RGMA: variants seen among roughly 807,000 people sequenced by gnomAD.
RGMA encodes repulsive guidance molecule A.
RGMA carries 10 observed loss-of-function variants against 23.2 expected under a neutral mutation model. The observed-to-expected ratio is 0.43, with a 90% confidence interval of 0.27 to 0.73. The LOEUF (loss-of-function observed/expected upper bound fraction) is 0.73. RGMA is among the 30% of genes least tolerant of loss of function. The pLI, the probability that RGMA is intolerant of heterozygous loss-of-function variation, is 0.20. For synonymous variants in RGMA, 308 were observed against 279.3 expected (o/e 1.10, Z -1.03); for missense variants, 547 against 630.5 (o/e 0.87, Z 1.42).
At chr15:93,053,756 C>T (rs1212193003) in intron 2 of RGMA, among the ~76,000 whole-genome samples, 1 of 152,206 alleles carries the variant, frequency 6.6e-6, no homozygotes, top group Non-Finnish European at 1.5e-5. Context: ...GAGCACAAGT[C>T]ACCTTCCCAG....
At chr15:93,047,494 G>A (rs912655403) in intron 3 of RGMA, among the ~76,000 whole-genome samples, 2 of 152,250 alleles carry the variant, frequency 1.3e-5, no homozygotes, top group African/African-American at 4.8e-5. Context: ...ACCTTTATCT[G>A]CTGCACTACC....
chr15:93,044,961 G>A lies in RGMA; in HGVS notation c.*37C>T, dbSNP rs1364300908. ...CCCAGCCCACACATGGGGAAGCCGA[G>A]AGGACGGAGCCCGCGCCTCCCTCCA... is the stretch of plus-strand genomic sequence containing the variant. On this transcript the variant is annotated 3_prime_UTR_variant, in exon 4 of 4. Coordinates refer to ENST00000329082, the MANE Select transcript of RGMA (RefSeq NM_020211.3). The A allele has an allele frequency of 6.6e-7, 1 of 1,519,060 alleles. No homozygotes were observed. The highest frequency in any genetic ancestry group is 8.9e-7 in the Non-Finnish European group (1 of 1,122,844). 94.1% of individuals were successfully genotyped at this position (1,519,060 alleles called of 1,614,324 possible). A position where few individuals can be genotyped will look rare whatever the true frequency, so the allele number is the denominator to read the frequency against.
chr15:93,051,685 G>A (rs1336428123), intron 3 of RGMA, among the ~76,000 whole-genome samples: 1 of 152,206 alleles, frequency 6.6e-6, no homozygotes, highest in African/African-American at 2.4e-5. Context: ...CCCGGGCCTG[G>A]GGCAAATTCT....
At chr15:93,073,142 G>T (rs1182918003) in intron 1 of RGMA, 111 bp from the exon 2 acceptor site, 3 of 1,253,168 alleles carry the variant, frequency 2.4e-6, no homozygotes, top group African/African-American at 3.2e-5. Flanking sequence ...CACCTCGGCC[G>T]CGGGCGCCCG....
At chr15:93,053,909 CAT>C (rs2054969616) in intron 2 of RGMA, among the ~76,000 whole-genome samples, 2 of 152,216 alleles carry the variant, frequency 1.3e-5, no homozygotes, top group African/African-American at 4.8e-5. Flanking sequence ...TTTGAGAAGT[CAT>C]ATCTTTATTT....
intron 1 of RGMA, among the ~76,000 whole-genome samples, chr15:93,086,315 C>A (rs11074139): frequency 6.6e-6 from 1 of 152,016 alleles, no homozygotes; most frequent in Non-Finnish European, 1.5e-5. Context: ...AATTTGCCTG[C>A]GCTGCTTTCA....
intron 1 of RGMA, among the ~76,000 whole-genome samples, chr15:93,076,049 T>G (rs1895468339): frequency 6.6e-6 from 1 of 152,220 alleles, no homozygotes; most frequent in South Asian, 2.1e-4. Flanking sequence ...AACGTTAGAT[T>G]TGAGAACTCA....
At chr15:93,050,994 G>A (rs914434714) in intron 3 of RGMA, among the ~76,000 whole-genome samples, 5 of 152,302 alleles carry the variant, frequency 3.3e-5, no homozygotes, top group Non-Finnish European at 5.9e-5. Flanking sequence ...GGAGGGCTGC[G>A]GGGGCACAGG....
At chr15:93,054,996 C>G (rs370955850) in intron 2 of RGMA, among the ~76,000 whole-genome samples, 1 of 152,088 alleles carries the variant, frequency 6.6e-6, no homozygotes, top group Non-Finnish European at 1.5e-5. Context: ...GGGAGTGCTA[C>G]GCAGAACAAG....
intron 2 of RGMA, among the ~76,000 whole-genome samples, chr15:93,062,023 C>G (rs1020940078): frequency 6.6e-6 from 1 of 151,732 alleles, no homozygotes; most frequent in Admixed American, 6.6e-5. Flanking sequence ...ATAAATTACC[C>G]GCGTGCAAAG....
In RGMA at chr15:93,045,166, G is replaced by A. The variant is rs758164456; in HGVS notation, c.1185C>T (p.Tyr395=). The A allele has an allele frequency of 2.5e-6, 4 of 1,607,636 alleles. No homozygotes were observed. Among genetic ancestry groups the A allele is most frequent in the Non-Finnish European group, 2.5e-6 (3 of 1,177,060 alleles). The part of the protein sequence containing the change: ...TGDVNFTLAA[Y]YALEDVKMLH... ...GCATCTTGACATCCTCCAACGCGTAGTAGGCGGCCAGTGTGAAGTTCACGT... is the reference window on the plus strand; with the variant it reads ...GCATCTTGACATCCTCCAACGCGTAATAGGCGGCCAGTGTGAAGTTCACGT... The change falls in exon 4 of 4, where the codon TAC becomes TAT. Residue 395 remains tyrosine, a synonymous_variant. Coordinates refer to ENST00000329082, the MANE Select transcript of RGMA (RefSeq NM_020211.3). This position sits in a 1 kb window ranked among gnomAD's most constrained non-coding sequence, Gnocchi z 6.9.
intron 1 of RGMA, among the ~76,000 whole-genome samples, chr15:93,073,369 C>A (rs573365421): frequency 6.6e-6 from 1 of 152,144 alleles, no homozygotes; most frequent in South Asian, 2.1e-4. Flanking sequence ...CGGAAAACCA[C>A]GGCCCTAGAT....
At chr15:93,047,515 C>T (rs2054843165) in intron 3 of RGMA, among the ~76,000 whole-genome samples, 1 of 152,162 alleles carries the variant, frequency 6.6e-6, no homozygotes, top group Non-Finnish European at 1.5e-5. Flanking sequence ...CTCTCCCAGG[C>T]CCGGCAACTA....
rs1175792615 is a variant in RGMA, at chr15:93,038,612, G to C, written c.*6386C>G. ...AGACGGTGTCTTGCTCTGTCGCCCA[G>C]GCTGGAGGCTGGAGTGCAGTGGTGC... On this transcript the variant is annotated 3_prime_UTR_variant, in exon 4 of 4. Coordinates refer to ENST00000329082, the MANE Select transcript of RGMA (RefSeq NM_020211.3). The C allele has an allele frequency of 7.6e-6, 1 of 130,756 alleles. No individual in the cohort carries two copies. Among genetic ancestry groups the C allele is most frequent in the African/African-American group, 2.7e-5 (1 of 36,428 alleles). 8.1% of individuals were successfully genotyped at this position (130,756 alleles called of 1,614,324 possible).
At chr15:93,076,539 T>A (rs1895475942) in intron 1 of RGMA, among the ~76,000 whole-genome samples, 1 of 152,158 alleles carries the variant, frequency 6.6e-6, no homozygotes, top group African/African-American at 2.4e-5. Context: ...TAGAAACAGA[T>A]AATAGAGAAA....
chr15:93,082,536 A>G (rs1895574835), intron 1 of RGMA, among the ~76,000 whole-genome samples: 1 of 152,094 alleles, frequency 6.6e-6, no homozygotes, highest in Non-Finnish European at 1.5e-5. Flanking sequence ...TTCCCACCAA[A>G]CTACAGCTGC....
chr15:93,064,583 G>T (rs1226914966), intron 2 of RGMA, among the ~76,000 whole-genome samples: 1 of 152,248 alleles, frequency 6.6e-6, no homozygotes, highest in Non-Finnish European at 1.5e-5. Flanking sequence ...GCGTGTGTGG[G>T]TCTGTGTTCA....
At chr15:93,075,818 C>T (rs185166046) in intron 1 of RGMA, among the ~76,000 whole-genome samples, 9 of 152,114 alleles carry the variant, frequency 5.9e-5, no homozygotes, top group Admixed American at 5.2e-4. Context: ...GCACAAAAGG[C>T]TTTTTTTCCC....
chr15:93,073,872 G>A, intron 1 of RGMA: 3 of 1,466,266 alleles, frequency 2.0e-6, no homozygotes, highest in Non-Finnish European at 2.7e-6. Context: ...TTGCCACCTT[G>A]GCACAGCTGC....
Sources: gnomAD v4.1 joint callset for allele counts (sites outside exome capture counted in the v4.1 genomes callset) on GRCh38, gnomAD v4.1.1 for gene constraint, Gnocchi (gnomAD v3.1) non-coding constraint, MANE v1.5 for transcripts, NCBI Gene and HGNC (gene_info 2026-07-23, HGNC 2026-07-21) for gene names.